Variants in MSRB3 observed in about 807,000 individuals in gnomAD.
MSRB3 encodes methionine sulfoxide reductase B3, also known as methionine-R-sulfoxide reductase B3.
Under a neutral mutation model 21.0 loss-of-function variants are expected in MSRB3, and 13 were observed. That is an observed-to-expected ratio of 0.62 (90% confidence interval 0.40 to 0.98). The LOEUF is 0.98. Ranked by LOEUF, MSRB3 falls within the 50% of genes least tolerant of loss-of-function variation. The pLI is 0.00. For synonymous variants in MSRB3, 87 were observed against 88.6 expected, an observed-to-expected ratio of 0.98 and a Z score of 0.10; for missense variants, 199 against 230.3, an observed-to-expected ratio of 0.86 and a Z score of 0.88.
At chr12:65,409,178 TTGTG>T (rs1341320416) in intron 5 of MSRB3, among the ~76,000 whole-genome samples, 4 of 150,096 alleles carry the variant, frequency 2.7e-5, no homozygotes, top group Admixed American at 1.3e-4. Context: ...GTGTGTGTGT[TTGTG>T]TGTGTATATA....
At chr12:65,411,835 A>C (rs1430551476) in intron 5 of MSRB3, among the ~76,000 whole-genome samples, 1 of 150,052 alleles carries the variant, frequency 6.7e-6, no homozygotes, top group African/African-American at 2.4e-5. Context: ...GATTTATTTA[A>C]TATTTAGATT....
At chr12:65,436,163 T>C (rs978078877) in intron 5 of MSRB3, among the ~76,000 whole-genome samples, 6 of 151,848 alleles carry the variant, frequency 4.0e-5, no homozygotes, top group Admixed American at 6.6e-5. Flanking sequence ...AAATCCGTAT[T>C]TTATTTTCAC....
chr12:65,289,562 A>C (rs1872564716), intron 1 of MSRB3, among the ~76,000 whole-genome samples: 1 of 152,182 alleles, frequency 6.6e-6, no homozygotes, highest in African/African-American at 2.4e-5. Flanking sequence ...TTATCTTTTT[A>C]AATTGTATTT....
At chr12:65,287,523 T>C (rs1273252064) in intron 1 of MSRB3, among the ~76,000 whole-genome samples, 3 of 152,172 alleles carry the variant, frequency 2.0e-5, no homozygotes, top group Non-Finnish European at 4.4e-5. Context: ...TGAATACTTA[T>C]TTTATCTTAG....
At chr12:65,357,207 C>G (rs1470175668) in intron 4 of MSRB3, among the ~76,000 whole-genome samples, 1 of 151,816 alleles carries the variant, frequency 6.6e-6, no homozygotes, top group Non-Finnish European at 1.5e-5. Context: ...CCCTCACCTC[C>G]CATATCTAGT....
At chr12:65,444,385 T>A (rs542235270) in intron 5 of MSRB3, among the ~76,000 whole-genome samples, 9 of 152,330 alleles carry the variant, frequency 5.9e-5, no homozygotes, top group Admixed American at 4.6e-4. Context: ...AAAAAGATTC[T>A]TGTAGTCTTT....
Position 65,296,503 on chromosome 12 carries a change from A to G in MSRB3, c.-51-12026A>G, listed in dbSNP as rs991521122. On this transcript the variant is annotated intron_variant, in intron 1 of 6. Transcript: ENST00000308259. ...TTATACGAGTGAGGAAACAGGATCT[A>G]TAGAGATCCACAGGAAGCTGAGGAT... Among the ~76,000 whole-genome samples, 12 of 152,250 alleles carry G rather than the reference A, an allele frequency of 7.9e-5. 1 individual carries two copies. The highest frequency in any genetic ancestry group is 5.9e-4 in the Admixed American group (9 of 15,286).
intron 4 of MSRB3, among the ~76,000 whole-genome samples, chr12:65,348,115 G>T (rs1024122408): frequency 6.6e-6 from 1 of 152,066 alleles, no homozygotes; most frequent in East Asian, 1.9e-4. Context: ...GAGTTAGGGA[G>T]GATTCCCTCT....
At chr12:65,366,561 G>A (rs902993883) in intron 4 of MSRB3, among the ~76,000 whole-genome samples, 19 of 152,106 alleles carry the variant, frequency 1.2e-4, no homozygotes, top group African/African-American at 4.3e-4. Flanking sequence ...CCAAGGAAAG[G>A]CCTAAAGATG....
Position 65,413,025 on chromosome 12 carries a change from T to TG in MSRB3, c.293-40699dup, listed in dbSNP as rs753562808. On this transcript the variant is annotated intron_variant, in intron 5 of 6. Transcript: ENST00000308259. Reference sequence around the variant, plus strand: ...TCCATCTGGTCCCTCCCTTGACACGTGGGGATGATGGCGATTACAATTCAC... The same window carrying TG: ...TCCATCTGGTCCCTCCCTTGACACGTGGGGGATGATGGCGATTACAATTCAC... Among the ~76,000 whole-genome samples, 110 of 152,194 alleles carry TG rather than the reference T, an allele frequency of 7.2e-4. 2 individuals are homozygous for TG. The highest frequency in any genetic ancestry group is 1.2e-3 in the Non-Finnish European group (84 of 68,006).
Position 65,347,858 on chromosome 12 carries a change from G to A in MSRB3, c.263+19255G>A, listed in dbSNP as rs138144971. Among the ~76,000 whole-genome samples, 737 of 152,124 alleles carry A rather than the reference G, an allele frequency of 4.8e-3. 27 individuals carry two copies. The East Asian group carries it at 0.072, about 15-fold the overall frequency. On this transcript the variant is annotated intron_variant, in intron 4 of 6. Transcript: ENST00000308259. ...TTGAGATAATCATGTGGTTTTTGTC[G>A]TTGGTTCTGTTTATATGCTGGATTA...
At chr12:65,434,662 A>G (rs1421504095) in intron 5 of MSRB3, among the ~76,000 whole-genome samples, 1 of 151,882 alleles carries the variant, frequency 6.6e-6, no homozygotes, top group Non-Finnish European at 1.5e-5. Flanking sequence ...TATGGATGCA[A>G]CAATGAAGAT....
intron 5 of MSRB3, among the ~76,000 whole-genome samples, chr12:65,444,138 G>A (rs898861747): frequency 1.3e-5 from 2 of 152,072 alleles, no homozygotes; most frequent in Non-Finnish European, 2.9e-5. Context: ...ATAAATAATT[G>A]CAAACCATGA....
intron 2 of MSRB3, among the ~76,000 whole-genome samples, chr12:65,323,725 G>A (rs1322763829): frequency 1.3e-5 from 2 of 152,152 alleles, no homozygotes; most frequent in Non-Finnish European, 2.9e-5. Flanking sequence ...ATTAACAGTG[G>A]CACCATATGA....
intron 5 of MSRB3, among the ~76,000 whole-genome samples, chr12:65,391,932 C>T (rs1879504421): frequency 6.6e-6 from 1 of 152,084 alleles, no homozygotes; most frequent in Non-Finnish European, 1.5e-5. Flanking sequence ...TGAAGACTTC[C>T]AAAGTGGAGT....
Position 65,465,263 on chromosome 12 carries a change from T to C in MSRB3, c.*1941T>C, listed in dbSNP as rs546000191. 24 of 152,334 alleles carry C rather than the reference T, an allele frequency of 1.6e-4. No homozygotes were observed. The highest frequency in any genetic ancestry group is 5.0e-4 in the African/African-American group (21 of 41,594). 9.4% of individuals were successfully genotyped at this position (152,334 alleles called of 1,614,324 possible). ...TTTTCACAAGTATAAACAATGGTGA[T>C]GTAAGTCAACATTGCTGTAGCCAGG... On this transcript the variant is annotated 3_prime_UTR_variant, in exon 7 of 7. Transcript: ENST00000308259.
rs1269606640 is a variant in MSRB3, at chr12:65,463,841, T to TA, written c.*519_*520insA. The TA allele has an allele frequency of 1.3e-5, 2 of 158,270 alleles. No individual in the cohort carries two copies. Among genetic ancestry groups the TA allele is most frequent in the Non-Finnish European group, 2.8e-5 (2 of 71,786 alleles). The allele number at this position is 158,270 out of a possible 1,614,324, so 9.8% of individuals were successfully genotyped here. On this transcript the variant is annotated 3_prime_UTR_variant, in exon 7 of 7. Transcript: ENST00000308259. ...GTTTGAGCTAAGGTCATTTTTTTTT[T>TA]TCTCACTGAAAGGGTGTGAAGGTCT...
At chr12:65,388,474 T>C (rs1269718291) in intron 5 of MSRB3, among the ~76,000 whole-genome samples, 3 of 152,232 alleles carry the variant, frequency 2.0e-5, no homozygotes, top group African/African-American at 7.2e-5. Context: ...CAGTGTTATC[T>C]CAAAATGGTT....
At chr12:65,328,840 G>A (rs1875225870) in intron 4 of MSRB3, among the ~76,000 whole-genome samples, 1 of 152,192 alleles carries the variant, frequency 6.6e-6, no homozygotes, top group Admixed American at 6.5e-5. Flanking sequence ...ACTTGTTCAT[G>A]TCAGTAACCA....
Sources: allele counts gnomAD v4.1 joint callset (sites outside exome capture counted in the v4.1 genomes callset), GRCh38; gene constraint gnomAD v4.1.1; transcripts MANE v1.5; gene names NCBI Gene and HGNC (gene_info 2026-07-23, HGNC 2026-07-21).